Variants in RABL6 observed in about 807,000 individuals in gnomAD.
RABL6 encodes RAB, member RAS oncogene family like 6.
Under a neutral mutation model 72.9 loss-of-function variants are expected in RABL6, and 28 were observed. That is an observed-to-expected ratio of 0.38 (90% confidence interval 0.28 to 0.53). The LOEUF is 0.53. Among genes scored for constraint, RABL6 ranks in the 20% least tolerant of loss-of-function variants. The pLI, the probability that RABL6 is intolerant of heterozygous loss-of-function variation, is 0.80. For missense variants in RABL6, 1,029 were observed against 1,008.4 expected (o/e 1.02, Z -0.28); for synonymous variants, 477 against 421.2 (o/e 1.13, Z -1.62).
At chr9:136,813,382 A>G in intron 1 of RABL6, 3 of 960,832 alleles carry the variant, frequency 3.1e-6, no homozygotes, top group Non-Finnish European at 4.8e-6. Flanking sequence ...GTTGCACTGT[A>G]GGAGAGGTTG....
At chr9:136,832,028 A>G in intron 6 of RABL6, 167 bp downstream of exon 6, 2 of 1,131,486 alleles carry the variant, frequency 1.8e-6, no homozygotes, top group Admixed American at 2.8e-5. Context: ...CCCCGATGGC[A>G]GGGCCGGGAA....
At position 136,831,762 on chromosome 9, in the gene RABL6, C is replaced by T. The variant is rs759655792; in HGVS notation, c.500C>T (p.Thr167Ile). 1.1e-5 allele frequency: 17 copies of T among 1,613,488 alleles called. No individual in the cohort carries two copies. Among genetic ancestry groups the T allele is most frequent in the Middle Eastern group, 1.7e-4 (1 of 6,060 alleles). Reference sequence around the variant, plus strand: ...CTCCGGGAGCTTCCAAAAGTGCCCACCCACGTGCCAGTGTGCGTGCTGGGA... The same window carrying T: ...CTCCGGGAGCTTCCAAAAGTGCCCATCCACGTGCCAGTGTGCGTGCTGGGA... ...YILRELPKVP[T>I]HVPVCVLGNY... is the part of the protein sequence containing the mutation. Residue 167 changes from threonine to isoleucine, a missense_variant, in exon 6 of 15, where the codon ACC becomes ATC. By Grantham distance (89) the Thr-to-Ile change is moderately conservative. Coordinates refer to ENST00000311502, the MANE Select transcript of RABL6 (RefSeq NM_024718.5).
intron 7 of RABL6, among the ~76,000 whole-genome samples, chr9:136,834,923 C>G (rs1848557444): frequency 7.4e-6 from 1 of 135,540 alleles, no homozygotes; most frequent in Admixed American, 8.0e-5. Context: ...TAGCATGACC[C>G]TGTTCTAAAA....
chr9:136,817,918 C>T (rs898000953), intron 1 of RABL6, among the ~76,000 whole-genome samples: 13 of 151,814 alleles, frequency 8.6e-5, no homozygotes, highest in African/African-American at 1.7e-4. Context: ...AAAAATTAGC[C>T]GGGCATGAGG....
Position 136,841,018 on chromosome 9 carries a change from A to G in RABL6, c.*496A>G, listed in dbSNP as rs566255695. On this transcript the variant is annotated 3_prime_UTR_variant, in exon 15 of 15. Coordinates refer to ENST00000311502, the MANE Select transcript of RABL6 (RefSeq NM_024718.5). Reference sequence around the variant, plus strand: ...AAGGGCGGCCCAGGCCCCACGCTAGAAGGCTGGCGAGACCGAAGGCAGCAT... The same window carrying G: ...AAGGGCGGCCCAGGCCCCACGCTAGGAGGCTGGCGAGACCGAAGGCAGCAT... The G allele has an allele frequency of 1.4e-6, 2 of 1,433,296 alleles. No homozygotes were observed. The highest frequency in any genetic ancestry group is 1.8e-6 in the Non-Finnish European group (2 of 1,091,066). 88.8% of individuals were successfully genotyped at this position (1,433,296 alleles called of 1,614,324 possible).
intron 9 of RABL6, 75 bp from the exon 10 acceptor site, chr9:136,837,787 G>A (rs1321921049): frequency 3.2e-6 from 5 of 1,541,226 alleles, no homozygotes; most frequent in Non-Finnish European, 2.6e-6. Flanking sequence ...CACATCCCGG[G>A]TGGGCCTGGC....
intron 7 of RABL6, chr9:136,834,204 C>T (rs1848541101): frequency 4.9e-6 from 6 of 1,227,568 alleles, no homozygotes; most frequent in Non-Finnish European, 6.1e-6. Flanking sequence ...ATTTCAAACA[C>T]ATCTCTAAAA....
At chr9:136,825,241 G>A (rs1023591444) in intron 2 of RABL6, among the ~76,000 whole-genome samples, 10 of 152,264 alleles carry the variant, frequency 6.6e-5, no homozygotes, top group Non-Finnish European at 1.0e-4. Context: ...AAGTGAACTA[G>A]AGGCCAGTCA....
rs1457664170 is a variant in RABL6, at chr9:136,808,316, G to A, written c.120G>A (p.Val40=). The change falls in exon 1 of 15, where the codon GTG becomes GTA. Residue 40 remains valine (V), a synonymous_variant. Coordinates refer to ENST00000311502, the MANE Select transcript of RABL6 (RefSeq NM_024718.5). ...QALQRRFAKG[V]QYNMKIVIRG... ...TGCAGAGGCGCTTCGCCAAGGGGGT[G>A]CAGTACAACAGTGAGTGCGGCGGGC... 3.2e-6 allele frequency: 5 copies of A among 1,556,518 alleles called. No individual in the cohort carries two copies. The highest frequency in any genetic ancestry group is 2.6e-5 in the East Asian group (1 of 37,882).
At chr9:136,840,068 T>G in intron 13 of RABL6, 86 bp from the exon 14 acceptor site, 6 of 1,585,666 alleles carry the variant, frequency 3.8e-6, no homozygotes, top group Non-Finnish European at 5.2e-6. Context: ...GGCTCGCTGC[T>G]TTGTGAGTTT....
chr9:136,832,585 C>A, intron 7 of RABL6: 1 of 626,060 alleles, frequency 1.6e-6, no homozygotes, highest in Middle Eastern at 4.3e-4. Flanking sequence ...TCCCAGGAGC[C>A]CCTCCACCTC....
intron 1 of RABL6, chr9:136,813,284 A>C (rs1848051962): frequency 8.3e-6 from 5 of 600,496 alleles, no homozygotes. Flanking sequence ...CTGTAAGTGC[A>C]TGCACACCCT....
At chr9:136,821,058 C>G (rs899845950) in intron 1 of RABL6, among the ~76,000 whole-genome samples, 1 of 152,208 alleles carries the variant, frequency 6.6e-6, no homozygotes, top group African/African-American at 2.4e-5. Flanking sequence ...TGGCCAGATG[C>G]CTGGAATGAG....
chr9:136,815,832 T>G (rs1410846970), intron 1 of RABL6, among the ~76,000 whole-genome samples: 1 of 152,226 alleles, frequency 6.6e-6, no homozygotes. Flanking sequence ...TAAGAAAGGC[T>G]CAGGGCCTCA....
chr9:136,812,932 C>T, intron 1 of RABL6: 1 of 345,336 alleles, frequency 2.9e-6, no homozygotes, highest in Non-Finnish European at 5.7e-6. Flanking sequence ...GCCACCTTCG[C>T]CCTTAGGTTT....
intron 5 of RABL6, among the ~76,000 whole-genome samples, chr9:136,830,346 C>T (rs929241009): frequency 1.3e-5 from 2 of 152,246 alleles, no homozygotes; most frequent in African/African-American, 4.8e-5. Context: ...TGCTCTGGGC[C>T]TCTGCCAACC....
chr9:136,808,329 G>C lies in RABL6; in HGVS notation c.130+3G>C. 1 of 1,519,492 alleles carries C rather than the reference G, an allele frequency of 6.6e-7. No homozygotes were observed. The allele number at this position is 1,519,492 out of a possible 1,614,324, so 94.1% of individuals were successfully genotyped here. A position where few individuals can be genotyped will look rare whatever the true frequency, so the allele number is the denominator to read the frequency against. ...CGCCAAGGGGGTGCAGTACAACAGT[G>C]AGTGCGGCGGGCCGGGGGGGCGCGG... On this transcript the variant is annotated splice_donor_region_variant and intron_variant, in intron 1 of 14. Coordinates refer to ENST00000311502, the MANE Select transcript of RABL6 (RefSeq NM_024718.5).
intron 7 of RABL6, chr9:136,833,375 A>G (rs1247544355): frequency 3.4e-6 from 1 of 296,390 alleles, no homozygotes; most frequent in African/African-American, 3.4e-5. Context: ...GGGGACCTGA[A>G]CCTCCTTGCC....
At chr9:136,831,977 T>A in intron 6 of RABL6, 116 bp downstream of exon 6, 1 of 1,398,688 alleles carries the variant, frequency 7.1e-7, no homozygotes, top group Non-Finnish European at 9.5e-7. Flanking sequence ...CCGGCGGATG[T>A]GGGTCTCGCC....
Sources: gnomAD v4.1 joint callset for allele counts (sites outside exome capture counted in the v4.1 genomes callset) on GRCh38, gnomAD v4.1.1 for gene constraint, MANE v1.5 for transcripts, NCBI Gene and HGNC (gene_info 2026-07-23, HGNC 2026-07-21) for gene names.